Variants in WDR11 observed in about 807,000 individuals in gnomAD.
The protein encoded by WDR11 is WD repeat-containing protein 11.
In WDR11, 83 loss-of-function variants were observed where a neutral mutation model predicts 151.2. That is an observed-to-expected ratio of 0.55 (90% CI 0.46 to 0.66). WDR11 has a LOEUF of 0.66. WDR11 is among the 30% of genes least tolerant of loss of function. WDR11 has a pLI of 0.00. For synonymous variants in WDR11, 484 were observed against 533.1 expected (o/e 0.91, Z 1.27); for missense variants, 1,301 against 1,480.9 (o/e 0.88, Z 1.99).
At chr10:120,884,518 G>A (rs1200958450) in intron 14 of WDR11, among the ~76,000 whole-genome samples, 1 of 151,870 alleles carries the variant, frequency 6.6e-6, no homozygotes, top group Non-Finnish European at 1.5e-5. Context: ...ATGTAAAAAT[G>A]TAAAGCTATA....
At chr10:120,902,381 T>G (rs1847862713) in intron 22 of WDR11, 59 bp downstream of exon 22, 1 of 1,469,672 alleles carries the variant, frequency 6.8e-7, no homozygotes, top group Non-Finnish European at 9.5e-7. Context: ...CTCATTTCTT[T>G]TAAGGGTTTT....
In WDR11 at chr10:120,905,564, CT is replaced by C. The variant is rs1446386644; in HGVS notation, c.3291+151del. On this transcript the variant is annotated intron_variant, in intron 26 of 28. Transcript: ENST00000263461. The stretch of plus-strand genomic sequence containing the variant: ...TTGGAACCTTTATCCTTTTCCTATT[CT>C]TTATGAGTGTAAATTGCATTACTTA... 3 of 882,836 alleles carry C rather than the reference CT, an allele frequency of 3.4e-6. No individual in the cohort carries two copies. In the African/African-American group the frequency reaches 5.1e-5, roughly 15 times the overall value. 54.7% of individuals were successfully genotyped at this position (882,836 alleles called of 1,614,324 possible). A position where few individuals can be genotyped will look rare whatever the true frequency, so the allele number is the denominator to read the frequency against.
chr10:120,864,690 C>T (rs7092747), intron 5 of WDR11, among the ~76,000 whole-genome samples: 55,606 of 151,926 alleles, frequency 0.37, 10,218 homozygotes, highest in Admixed American at 0.44. Flanking sequence ...TAACAGTTTG[C>T]CTAGTACTTT....
chr10:120,904,939 T>C (rs946000350), intron 25 of WDR11, 128 bp downstream of exon 25: 2 of 1,081,062 alleles, frequency 1.9e-6, no homozygotes, highest in Non-Finnish European at 2.7e-6. Flanking sequence ...AAATTATTGC[T>C]ACCTATAAAT....
chr10:120,853,025 C>G (rs368664227), intron 2 of WDR11, among the ~76,000 whole-genome samples: 1 of 151,160 alleles, frequency 6.6e-6, no homozygotes, highest in African/African-American at 2.4e-5. Flanking sequence ...AACAGAGGAG[C>G]TGCATATTGC....
intron 17 of WDR11, chr10:120,889,450 C>T (rs2133791163): frequency 2.4e-6 from 1 of 420,694 alleles, no homozygotes; most frequent in East Asian, 5.2e-5. Context: ...CCATGTTAGC[C>T]AGGATGGTCT....
Position 120,905,932 on chromosome 10 carries a change from T to TTG in WDR11, c.3350_3351dup (p.Ser1118ValfsTer31). The TTG allele has an allele frequency of 6.2e-7, 1 of 1,614,074 alleles. No individual in the cohort carries two copies. Among genetic ancestry groups the TTG allele is most frequent in the Non-Finnish European group, 8.5e-7 (1 of 1,180,012 alleles). On this transcript the variant is annotated frameshift_variant, in exon 27 of 29. Coordinates refer to ENST00000263461, the MANE Select transcript of WDR11 (RefSeq NM_018117.12). LOFTEE classifies it high-confidence loss of function. Reference sequence around the variant, plus strand: ...TTTTAAGGCGGTGGGTTGACCACCTTTGTTCTCCACAAGTCAATCAGAAAT... The same window carrying TTG: ...TTTTAAGGCGGTGGGTTGACCACCTTTGTGTTCTCCACAAGTCAATCAGAAAT...
Position 120,908,977 on chromosome 10 carries a change from A to G in WDR11, c.*264A>G. ...TTTTATACTTTGGGAGAGAGCTTTAAGAGTCCCTGGAAATACTTTTTAATT... is the reference window on the plus strand; with the variant it reads ...TTTTATACTTTGGGAGAGAGCTTTAGGAGTCCCTGGAAATACTTTTTAATT... On this transcript the variant is annotated 3_prime_UTR_variant, in exon 29 of 29. Transcript: ENST00000263461. 2.1e-6 allele frequency: 1 copy of G among 467,602 alleles called. No homozygotes were observed. Among genetic ancestry groups the G allele is most frequent in the South Asian group, 2.9e-5 (1 of 34,366 alleles). The allele number at this position is 467,602 out of a possible 1,614,324, so 29.0% of individuals were successfully genotyped here.
At position 120,866,832 on chromosome 10, in the gene WDR11, A is replaced by T. The variant is rs980123823; in HGVS notation, c.1190+68A>T. Reference sequence around the variant, plus strand: ...GTTTCCTTTTATAAAAAATTTCCATAATCATAAAAATAGGAGGGCTGGTTT... The same window carrying T: ...GTTTCCTTTTATAAAAAATTTCCATTATCATAAAAATAGGAGGGCTGGTTT... On this transcript the variant is annotated intron_variant, in intron 8 of 28. Coordinates refer to ENST00000263461, the MANE Select transcript of WDR11 (RefSeq NM_018117.12). 10 of 1,564,438 alleles carry T rather than the reference A, an allele frequency of 6.4e-6. No homozygotes were observed. The African/African-American group carries it at 1.2e-4, about 19-fold the overall frequency.
At chr10:120,901,789 G>A (rs1305386311) in intron 21 of WDR11, among the ~76,000 whole-genome samples, 4 of 152,160 alleles carry the variant, frequency 2.6e-5, no homozygotes, top group African/African-American at 9.7e-5. Context: ...CTTCCTTTCT[G>A]ATTTGTGAAT....
chr10:120,899,154 C>T (rs1847718780), intron 19 of WDR11, among the ~76,000 whole-genome samples: 1 of 152,078 alleles, frequency 6.6e-6, no homozygotes, highest in African/African-American at 2.4e-5. Context: ...GCAAATCTTG[C>T]TTGTTAGTGT....
At chr10:120,904,343 T>C (rs1186503717) in intron 24 of WDR11, among the ~76,000 whole-genome samples, 1 of 152,218 alleles carries the variant, frequency 6.6e-6, no homozygotes, top group Non-Finnish European at 1.5e-5. Flanking sequence ...GCTTGTAATT[T>C]AGACTTCCAT....
intron 4 of WDR11, among the ~76,000 whole-genome samples, chr10:120,860,825 T>C (rs1412007223): frequency 6.6e-6 from 1 of 152,244 alleles, no homozygotes; most frequent in Non-Finnish European, 1.5e-5. Context: ...GCTTTAGGTA[T>C]TTTTGTGGCT....
intron 9 of WDR11, chr10:120,868,875 C>G (rs565809389): frequency 1.3e-5 from 2 of 152,304 alleles, no homozygotes; most frequent in South Asian, 4.1e-4. Flanking sequence ...TCTCCACTAT[C>G]TATTCTACCA....
chr10:120,859,895 G>T (rs1237650924), intron 3 of WDR11, among the ~76,000 whole-genome samples: 1 of 151,914 alleles, frequency 6.6e-6, no homozygotes, highest in East Asian at 1.9e-4. Context: ...TTTTTACCTT[G>T]AGAGTTTAAC....
chr10:120,851,548 A>C (rs769167881), intron 1 of WDR11, 42 bp downstream of exon 1: 7 of 1,592,998 alleles, frequency 4.4e-6, no homozygotes, highest in Non-Finnish European at 6.0e-6. Flanking sequence ...TCGGCCAGGA[A>C]TGTGTGAGGG....
At chr10:120,906,529 T>C (rs576081107) in intron 27 of WDR11, 3 of 1,365,796 alleles carry the variant, frequency 2.2e-6, no homozygotes, top group East Asian at 3.0e-5. Flanking sequence ...CATATCTCTG[T>C]AGATTTTTGT....
At chr10:120,853,875 T>C (rs370035514) in intron 2 of WDR11, among the ~76,000 whole-genome samples, 9 of 152,344 alleles carry the variant, frequency 5.9e-5, no homozygotes, top group African/African-American at 2.2e-4. Flanking sequence ...TTTCCAGTTA[T>C]CAGAGGTAAG....
intron 11 of WDR11, among the ~76,000 whole-genome samples, chr10:120,876,481 G>A (rs1051851809): frequency 6.6e-6 from 1 of 152,186 alleles, no homozygotes; most frequent in Non-Finnish European, 1.5e-5. Flanking sequence ...GGCTTTTGAG[G>A]TGCAGTGACA....
Sources: gnomAD v4.1 joint callset for allele counts (sites outside exome capture counted in the v4.1 genomes callset) on GRCh38, gnomAD v4.1.1 for gene constraint, MANE v1.5 for transcripts, NCBI Gene and HGNC (gene_info 2026-07-23, HGNC 2026-07-21) for gene names.